Variants in ZNRF3 observed in about 807,000 individuals in gnomAD.
The protein encoded by ZNRF3 is zinc and ring finger 3.
In ZNRF3, 23 loss-of-function variants were observed where a neutral mutation model predicts 72.5. The ratio of observed to expected loss-of-function variants is 0.32; its 90% confidence interval spans 0.23 to 0.45. The LOEUF is 0.45. ZNRF3 is among the 20% of genes least tolerant of loss of function. The pLI is 1.00. For synonymous variants in ZNRF3, 610 were observed against 545.3 expected (o/e 1.12, Z -1.65); for missense variants, 1,169 against 1,272.1 (o/e 0.92, Z 1.23).
At chr22:28,979,228 T>C (rs1466399524) in intron 1 of ZNRF3, among the ~76,000 whole-genome samples, 1 of 152,202 alleles carries the variant, frequency 6.6e-6, no homozygotes, top group Non-Finnish European at 1.5e-5. Context: ...TCTGTGGGAG[T>C]CCCTGTGCTT....
intron 2 of ZNRF3, 62 bp from the exon 3 acceptor site, chr22:29,042,433 G>A: frequency 4.7e-6 from 7 of 1,501,766 alleles, no homozygotes; most frequent in Non-Finnish European, 6.5e-6. Context: ...TGATTGCCAA[G>A]GCCAACTTTG....
At position 28,944,880 on chromosome 22, in the gene ZNRF3, C is replaced by T. The variant is rs11912196; in HGVS notation, c.301-42196C>T. ...GGTGGAGGTTGCAGTGAGTCAAGAT[C>T]GTGCCACTGCACCCCAGCCTGGGCA... On this transcript the variant is annotated intron_variant, in intron 1 of 8. Transcript: ENST00000544604. Among the ~76,000 whole-genome samples, 398 of 151,454 alleles carry T rather than the reference C, an allele frequency of 2.6e-3. 4 individuals carry two copies. The highest frequency in any genetic ancestry group is 8.8e-3 in the African/African-American group (365 of 41,262).
chr22:28,983,412 G>A (rs1301904783), intron 1 of ZNRF3, among the ~76,000 whole-genome samples: 1 of 152,194 alleles, frequency 6.6e-6, no homozygotes, highest in Non-Finnish European at 1.5e-5. Flanking sequence ...GAGGCCGTGT[G>A]TTCTGCTCCT....
At chr22:29,042,371 C>A in intron 2 of ZNRF3, 124 bp from the exon 3 acceptor site, 1 of 696,378 alleles carries the variant, frequency 1.4e-6, no homozygotes. Context: ...AAGTAACATC[C>A]CTGAAGTCAC....
chr22:28,983,341 T>A (rs1364361271), intron 1 of ZNRF3, among the ~76,000 whole-genome samples: 1 of 144,548 alleles, frequency 6.9e-6, no homozygotes, highest in Non-Finnish European at 1.5e-5. Flanking sequence ...CCTGGGTGTG[T>A]TTGAGGCTTT....
chr22:29,050,025 G>T lies in ZNRF3; in HGVS notation c.1844G>T (p.Ser615Ile), dbSNP rs1475259968. 6.2e-7 allele frequency: 1 copy of T among 1,610,158 alleles called. No individual in the cohort carries two copies. Among genetic ancestry groups the T allele is most frequent in the Non-Finnish European group, 8.5e-7 (1 of 1,178,722 alleles). ...CRASEAGGSG[S>I]SGRGPALCFE... ...GCCAGTGAGGCGGGGGGCTCGGGCA[G>T]CTCGGGCCGGGGACCTGCCCTGTGC... is the stretch of plus-strand genomic sequence containing the variant. Residue 615 changes from serine (S) to isoleucine (I), a missense_variant, in exon 8 of 9, where the codon AGC becomes ATC. Around this residue, in one of 2 missense-constraint regions of ZNRF3, gnomAD observed 783 missense variants for 731.4 expected, o/e 1.07. Coordinates refer to ENST00000544604, the MANE Select transcript of ZNRF3 (RefSeq NM_001206998.2).
intron 2 of ZNRF3, 91 bp downstream of exon 2, chr22:28,987,292 A>G (rs2035871622): frequency 6.5e-7 from 1 of 1,532,980 alleles, no homozygotes; most frequent in Admixed American, 2.0e-5. Flanking sequence ...ATTATGGAGA[A>G]GAGCCATGCT....
Position 28,916,685 on chromosome 22 carries a change from CTT to C in ZNRF3, c.300+32621_300+32622del, listed in dbSNP as rs374094514. Among the ~76,000 whole-genome samples the C allele has an allele frequency of 2.7e-4, 41 of 152,274 alleles. 1 individual carries two copies. The South Asian group carries it at 8.1e-3, about 30-fold the overall frequency. Reference sequence around the variant, plus strand: ...TTTAATCAGGAGCATCCTGTTGTGTCTTTGGTAGAATTGGCAGCTTGGGGTTT... The same window carrying C: ...TTTAATCAGGAGCATCCTGTTGTGTCTGGTAGAATTGGCAGCTTGGGGTTT... On this transcript the variant is annotated intron_variant, in intron 1 of 8. Transcript: ENST00000544604.
At chr22:29,001,348 G>A (rs1601649374) in intron 2 of ZNRF3, among the ~76,000 whole-genome samples, 1 of 151,872 alleles carries the variant, frequency 6.6e-6, no homozygotes, top group East Asian at 1.9e-4. Flanking sequence ...ATTGAGTTAT[G>A]AGAGTTCTTT....
chr22:29,009,684 G>C (rs886210441), intron 2 of ZNRF3, among the ~76,000 whole-genome samples: 7 of 152,118 alleles, frequency 4.6e-5, no homozygotes, highest in Admixed American at 4.6e-4. Flanking sequence ...GGACTTGGTA[G>C]AAGTTACCCA....
intron 1 of ZNRF3, among the ~76,000 whole-genome samples, chr22:28,924,100 A>G (rs2034558317): frequency 6.6e-6 from 1 of 152,218 alleles, no homozygotes; most frequent in Non-Finnish European, 1.5e-5. Context: ...CTGCTGATGT[A>G]ATCGTAGCCT....
intron 1 of ZNRF3, among the ~76,000 whole-genome samples, chr22:28,938,542 T>A (rs1162553299): frequency 6.6e-6 from 1 of 152,174 alleles, no homozygotes; most frequent in East Asian, 1.9e-4. Context: ...ATGAGGAAAC[T>A]GAGGGTCAGG....
At chr22:28,980,369 A>G (rs930663844) in intron 1 of ZNRF3, among the ~76,000 whole-genome samples, 8 of 152,264 alleles carry the variant, frequency 5.3e-5, no homozygotes, top group Admixed American at 1.3e-4. Flanking sequence ...ATATACAAAT[A>G]ATTTTAAAAA....
intron 2 of ZNRF3, among the ~76,000 whole-genome samples, chr22:29,003,052 T>C (rs1030136077): frequency 6.6e-6 from 1 of 152,236 alleles, no homozygotes; most frequent in Non-Finnish European, 1.5e-5. Flanking sequence ...TTGTTTGATG[T>C]TTTAGCACCC....
chr22:29,055,974 G>A lies in ZNRF3; in HGVS notation c.*2352G>A, dbSNP rs1244423796. On this transcript the variant is annotated 3_prime_UTR_variant, in exon 9 of 9. Transcript: ENST00000544604. ...GCTTCAACTGGGCTTATTAAAGTAA[G>A]TGTGTCTAGTTTTCACTTGAACAAG... is the stretch of plus-strand genomic sequence containing the variant. 6.6e-6 allele frequency: 1 copy of A among 152,202 alleles called. No homozygotes were observed. The highest frequency in any genetic ancestry group is 2.4e-5 in the African/African-American group (1 of 41,440). 9.4% of individuals were successfully genotyped at this position (152,202 alleles called of 1,614,324 possible).
At chr22:28,975,154 T>TA (rs1365468864) in intron 1 of ZNRF3, among the ~76,000 whole-genome samples, 1 of 152,148 alleles carries the variant, frequency 6.6e-6, no homozygotes, top group Non-Finnish European at 1.5e-5. Flanking sequence ...TGCAGTGGCT[T>TA]ACGCCTGTAA....
rs192629910 is a variant in ZNRF3 at position 28,940,984 on chromosome 22, T to G, written c.301-46092T>G. On this transcript the variant is annotated intron_variant, in intron 1 of 8. Transcript: ENST00000544604. ...ATTCCCTTTTTTTTTCCTCCCCCTT[T>G]TTGGACGTCAGTTCTCTGGCATGTT... is the stretch of plus-strand genomic sequence containing the variant. Among the ~76,000 whole-genome samples, 1,343 of 152,312 alleles carry G rather than the reference T, an allele frequency of 8.8e-3. 18 individuals are homozygous for G. The highest frequency in any genetic ancestry group is 0.031 in the African/African-American group (1,301 of 41,552).
intron 1 of ZNRF3, among the ~76,000 whole-genome samples, chr22:28,893,455 T>C (rs1285813968): frequency 1.3e-5 from 2 of 152,132 alleles, no homozygotes; most frequent in Non-Finnish European, 2.9e-5. Context: ...CAGCTACCAG[T>C]GTGAGCCACC....
chr22:28,883,723 A>G lies in ZNRF3; in HGVS notation c.-44A>G. 1 of 981,344 alleles carries G rather than the reference A, an allele frequency of 1.0e-6. No homozygotes were observed. Among genetic ancestry groups the G allele is most frequent in the Non-Finnish European group, 1.2e-6 (1 of 828,198 alleles). 60.8% of individuals were successfully genotyped at this position (981,344 alleles called of 1,614,324 possible). A position where few individuals can be genotyped will look rare whatever the true frequency, so the allele number is the denominator to read the frequency against. On this transcript the variant is annotated 5_prime_UTR_variant, in exon 1 of 9. An upstream start codon of the reference 5' UTR is lost. Coordinates refer to ENST00000544604, the MANE Select transcript of ZNRF3 (RefSeq NM_001206998.2). This position sits in a 1 kb window ranked among gnomAD's most constrained non-coding sequence, Gnocchi z 5.5. ...TTCGGTCCTCAGCCGGCCCGCGACT[A>G]TGCCCGGCCGCGCCCGCCCTCCGCG...
Sources: gnomAD v4.1 joint callset for allele counts (sites outside exome capture counted in the v4.1 genomes callset) on GRCh38, gnomAD v4.1.1 for gene constraint, gnomAD v4.1.1 regional missense constraint, Gnocchi (gnomAD v3.1) non-coding constraint, MANE v1.5 for transcripts, NCBI Gene and HGNC (gene_info 2026-07-23, HGNC 2026-07-21) for gene names.